The following CDH12 variants were observed in gnomAD, a reference collection of about 807,000 sequenced individuals.
CDH12 encodes the protein cadherin 12.
CDH12 carries 41 observed loss-of-function variants against 74.1 expected under a neutral mutation model. The ratio of observed to expected loss-of-function variants is 0.55; its 90% confidence interval spans 0.43 to 0.72. CDH12 has a LOEUF of 0.72. Among genes scored for constraint, CDH12 ranks in the 30% least tolerant of loss-of-function variants. The probability of loss-of-function intolerance (pLI) is 0.00; values close to 1 mark genes in which losing one functional copy is unlikely to be tolerated. For synonymous variants in CDH12, 399 were observed against 355.0 expected (o/e 1.12, Z -1.39); for missense variants, 945 against 977.2 (o/e 0.97, Z 0.44).
intron 6 of CDH12, among the ~76,000 whole-genome samples, chr5:21,912,689 A>C (rs1001021355): frequency 3.9e-5 from 6 of 152,182 alleles, no homozygotes; most frequent in Admixed American, 1.3e-4. Flanking sequence ...TCCACACCCT[A>C]AACATGACAT....
At position 22,169,396 on chromosome 5, in the gene CDH12, G is replaced by A. The variant is rs909875997; in HGVS notation, c.-187+43102C>T. Among the ~76,000 whole-genome samples the A allele has an allele frequency of 7.9e-5, 12 of 151,986 alleles. 1 individual carries two copies. The South Asian group carries it at 1.0e-3, about 13-fold the overall frequency. Reference sequence around the variant, plus strand: ...TCTATGCATCTAAAAATGAACAGTCGTATCCATAACAGTGACAGCATGCAT... The same window carrying A: ...TCTATGCATCTAAAAATGAACAGTCATATCCATAACAGTGACAGCATGCAT... On this transcript the variant is annotated intron_variant, in intron 4 of 14. Coordinates refer to ENST00000382254, the MANE Select transcript of CDH12 (RefSeq NM_004061.5).
chr5:22,610,781 CTAAT>C (rs939986890), intron 1 of CDH12, among the ~76,000 whole-genome samples: 2 of 151,948 alleles, frequency 1.3e-5, no homozygotes, highest in Non-Finnish European at 2.9e-5. Flanking sequence ...TTAAAAATAT[CTAAT>C]TATCCTTCAA....
At chr5:22,160,963 T>C (rs559630500) in intron 4 of CDH12, among the ~76,000 whole-genome samples, 2 of 152,308 alleles carry the variant, frequency 1.3e-5, no homozygotes, top group South Asian at 4.1e-4. Context: ...TCGACAACTG[T>C]GTTTGGGAAA....
chr5:22,721,934 G>C (rs932690814), intron 1 of CDH12, among the ~76,000 whole-genome samples: 1 of 152,092 alleles, frequency 6.6e-6, no homozygotes, highest in African/African-American at 2.4e-5. Flanking sequence ...CCCCAGCCAT[G>C]CAGAACTGTG....
chr5:22,717,101 C>G (rs1378736379), intron 1 of CDH12, among the ~76,000 whole-genome samples: 1 of 151,848 alleles, frequency 6.6e-6, no homozygotes, highest in East Asian at 1.9e-4. Flanking sequence ...TTAGTGTAGC[C>G]CAAGCAGTGT....
chr5:22,512,995 C>T (rs1394208868), intron 1 of CDH12, among the ~76,000 whole-genome samples: 3 of 152,092 alleles, frequency 2.0e-5, no homozygotes, highest in East Asian at 3.9e-4. Flanking sequence ...CGAGATCCCG[C>T]CACTGCAGTC....
At chr5:22,496,338 T>G (rs2126648337) in intron 2 of CDH12, among the ~76,000 whole-genome samples, 1 of 152,218 alleles carries the variant, frequency 6.6e-6, no homozygotes, top group South Asian at 2.1e-4. Flanking sequence ...AATTAAGAAT[T>G]TTGTTGGAGG....
intron 2 of CDH12, among the ~76,000 whole-genome samples, chr5:22,487,985 A>G (rs1464110135): frequency 6.6e-6 from 1 of 152,246 alleles, no homozygotes. Context: ...TTAACAACTT[A>G]TTTTGATACC....
chr5:22,035,395 T>C (rs1739099885), intron 5 of CDH12, among the ~76,000 whole-genome samples: 1 of 152,024 alleles, frequency 6.6e-6, no homozygotes, highest in Non-Finnish European at 1.5e-5. Flanking sequence ...TGTATATATA[T>C]ATATATATGC....
At chr5:22,555,117 A>G (rs1227451347) in intron 1 of CDH12, among the ~76,000 whole-genome samples, 2 of 152,104 alleles carry the variant, frequency 1.3e-5, no homozygotes, top group Non-Finnish European at 2.9e-5. Context: ...TGAACGCATA[A>G]TATCATTTTC....
intron 11 of CDH12, among the ~76,000 whole-genome samples, chr5:21,769,125 A>G (rs1745182809): frequency 6.6e-6 from 1 of 152,064 alleles, no homozygotes; most frequent in African/African-American, 2.4e-5. Context: ...CCTCAACCTG[A>G]TAAAGTATGT....
intron 5 of CDH12, among the ~76,000 whole-genome samples, chr5:21,988,676 G>T (rs578005976): frequency 2.6e-5 from 4 of 152,148 alleles, no homozygotes; most frequent in Non-Finnish European, 4.4e-5. Context: ...GGTGGGAAAA[G>T]CACGTAAGAC....
intron 3 of CDH12, among the ~76,000 whole-genome samples, chr5:22,358,229 C>A (rs901386782): frequency 3.3e-5 from 5 of 151,936 alleles, no homozygotes; most frequent in African/African-American, 1.2e-4. Context: ...GCCAACATGA[C>A]AAAACCCCAT....
chr5:22,333,174 G>A (rs541286179), intron 3 of CDH12, among the ~76,000 whole-genome samples: 241 of 152,266 alleles, frequency 1.6e-3, no homozygotes, highest in African/African-American at 5.7e-3. Context: ...CAGGGACATG[G>A]ATAAAGCTGG....
chr5:21,772,067 T>C (rs574950020), intron 11 of CDH12, among the ~76,000 whole-genome samples: 1 of 152,254 alleles, frequency 6.6e-6, no homozygotes, highest in East Asian at 1.9e-4. Flanking sequence ...AGCTAAGTTT[T>C]TCAGATTTAC....
At chr5:22,339,573 C>T (rs778224060) in intron 3 of CDH12, among the ~76,000 whole-genome samples, 20 of 152,084 alleles carry the variant, frequency 1.3e-4, no homozygotes, top group Admixed American at 3.3e-4. Context: ...TTTTAGGGAA[C>T]ACAACCCTAG....
intron 1 of CDH12, among the ~76,000 whole-genome samples, chr5:22,720,197 C>T (rs1225777452): frequency 6.6e-6 from 1 of 152,088 alleles, no homozygotes; most frequent in Non-Finnish European, 1.5e-5. Flanking sequence ...TCGTGGGGGG[C>T]AGTTTCCTTT....
rs376151083 is a variant in CDH12, at chr5:22,060,787, A to G, written c.231+17659T>C. On this transcript the variant is annotated intron_variant, in intron 5 of 14. Transcript: ENST00000382254. ...AAAATTAAGACTGTATCTTTTTCCA[A>G]AGCAAAGGGCCACATGCTTCTACCC... 2.8e-4 allele frequency among the ~76,000 whole-genome samples: 43 copies of G among 152,180 alleles called. 1 individual carries two copies. In the East Asian group the frequency reaches 3.3e-3, roughly 12 times the overall value.
chr5:21,962,501 C>A (rs1756403777), intron 6 of CDH12, among the ~76,000 whole-genome samples: 1 of 152,118 alleles, frequency 6.6e-6, no homozygotes, highest in East Asian at 1.9e-4. Flanking sequence ...TATATCTGTT[C>A]ATTTCAATGC....
Sources: gnomAD v4.1 joint callset for allele counts (sites outside exome capture counted in the v4.1 genomes callset) on GRCh38, gnomAD v4.1.1 for gene constraint, MANE v1.5 for transcripts, NCBI Gene and HGNC (gene_info 2026-07-23, HGNC 2026-07-21) for gene names.